The following CDH4 variants were observed in gnomAD, a reference collection of about 807,000 sequenced individuals.
CDH4 encodes cadherin 4, also known as cadherin-4.
Under a neutral mutation model 86.0 loss-of-function variants are expected in CDH4, and 33 were observed. That is an observed-to-expected ratio of 0.38 (90% CI 0.29 to 0.51). CDH4 has a LOEUF of 0.51. CDH4 is among the 20% of genes least tolerant of loss of function. The pLI is 0.86. For synonymous variants in CDH4, 555 were observed against 549.4 expected, an observed-to-expected ratio of 1.01 and a Z score of -0.14; for missense variants, 1,114 against 1,307.4, an observed-to-expected ratio of 0.85 and a Z score of 2.28.
In CDH4 at chr20:61,902,348, C is replaced by CG. The variant is rs1198285148; in HGVS notation, c.1188+7305dup. Among the ~76,000 whole-genome samples, 2 of 152,338 alleles carry CG rather than the reference C, an allele frequency of 1.3e-5. No individual in the cohort carries two copies. Among genetic ancestry groups the CG allele is most frequent in the East Asian group, 3.9e-4 (2 of 5,180 alleles). ...CTGCCCTTCACCAGCCACGGAGACC[C>CG]GGGGTCTATGGGCAGTGCCCTAAAT... On this transcript the variant is annotated intron_variant, in intron 8 of 15. Coordinates refer to ENST00000614565, the MANE Select transcript of CDH4 (RefSeq NM_001794.5). This position sits in a 1 kb window ranked among gnomAD's most constrained non-coding sequence, Gnocchi z 4.6.
At chr20:61,506,300 T>C (rs1442320088) in intron 2 of CDH4, among the ~76,000 whole-genome samples, 1 of 152,250 alleles carries the variant, frequency 6.6e-6, no homozygotes. Context: ...CCAGTTACAG[T>C]AATAGCTCAG....
At chr20:61,465,323 TATG>T (rs1181021991) in intron 2 of CDH4, among the ~76,000 whole-genome samples, 3 of 152,048 alleles carry the variant, frequency 2.0e-5, no homozygotes, top group Non-Finnish European at 4.4e-5. Context: ...TCCAGGGAGG[TATG>T]ATAATGGGGG....
chr20:61,501,701 A>G lies in CDH4; in HGVS notation c.170-241862A>G, dbSNP rs141200572. 2.0e-5 allele frequency among the ~76,000 whole-genome samples: 3 copies of G among 152,110 alleles called. No homozygotes were observed. The East Asian group carries it at 5.8e-4, about 29-fold the overall frequency. ...CTGTGAACTAGAAGAGGGTACTGGA[A>G]TACTAGCTATCTTCACAAGCACCAC... On this transcript the variant is annotated intron_variant, in intron 2 of 15. Coordinates refer to ENST00000614565, the MANE Select transcript of CDH4 (RefSeq NM_001794.5). The surrounding 1 kb of genome is among the most constrained non-coding windows in gnomAD (Gnocchi z 4.2).
chr20:61,777,658 G>T (rs140731512), intron 4 of CDH4, among the ~76,000 whole-genome samples: 1 of 148,954 alleles, frequency 6.7e-6, no homozygotes, highest in South Asian at 2.1e-4. Context: ...GCACACACGT[G>T]CATACAAAGA....
intron 3 of CDH4, among the ~76,000 whole-genome samples, chr20:61,765,752 C>T (rs376096314): frequency 1.6e-4 from 24 of 152,078 alleles, no homozygotes; most frequent in African/African-American, 5.8e-4. Flanking sequence ...ACCTGGGCGG[C>T]CTGGAGGCCA....
At chr20:61,300,746 T>C (rs960595235) in intron 2 of CDH4, among the ~76,000 whole-genome samples, 2 of 152,186 alleles carry the variant, frequency 1.3e-5, no homozygotes, top group East Asian at 3.9e-4. Flanking sequence ...ATGGGTCCCC[T>C]GTCAGGGGCG....
chr20:61,729,007 G>A (rs1278821683), intron 2 of CDH4, among the ~76,000 whole-genome samples: 7 of 152,274 alleles, frequency 4.6e-5, no homozygotes, highest in African/African-American at 1.7e-4. Flanking sequence ...GCGGTGCCCC[G>A]ATGTCCTGGC....
At chr20:61,304,491 G>A (rs2084404466) in intron 2 of CDH4, among the ~76,000 whole-genome samples, 1 of 152,182 alleles carries the variant, frequency 6.6e-6, no homozygotes, top group African/African-American at 2.4e-5. Flanking sequence ...TTGTGTGTGT[G>A]TGAATGTGTG....
chr20:61,855,476 G>T (rs149764722), intron 6 of CDH4, among the ~76,000 whole-genome samples: 162 of 152,296 alleles, frequency 1.1e-3, no homozygotes, highest in African/African-American at 3.8e-3. Flanking sequence ...CCTCGCAAGG[G>T]TGCAGATGTG....
chr20:61,542,076 G>A lies in CDH4; in HGVS notation c.170-201487G>A, dbSNP rs547604909. Among the ~76,000 whole-genome samples, 14 of 152,252 alleles carry A rather than the reference G, an allele frequency of 9.2e-5. No homozygotes were observed. The East Asian group carries it at 1.2e-3, about 13-fold the overall frequency. On this transcript the variant is annotated intron_variant, in intron 2 of 15. Transcript: ENST00000614565. Reference sequence around the variant, plus strand: ...TGAAAATCCAAAAATCAAAGCAGCCGGGAATGCTGAGCCCATACCCAGAGG... The same window carrying A: ...TGAAAATCCAAAAATCAAAGCAGCCAGGAATGCTGAGCCCATACCCAGAGG...
intron 2 of CDH4, among the ~76,000 whole-genome samples, chr20:61,463,809 T>C (rs181084346): frequency 6.6e-6 from 1 of 152,070 alleles, no homozygotes; most frequent in East Asian, 1.9e-4. Flanking sequence ...CAGCACTGGG[T>C]GAGCTGGCAG....
At chr20:61,934,001 G>C in intron 14 of CDH4, 55 bp from the exon 15 acceptor site, 1 of 1,591,696 alleles carries the variant, frequency 6.3e-7, no homozygotes, top group East Asian at 2.2e-5. Context: ...CAGGGTGGAA[G>C]GGGGGCTGGC....
In CDH4 at chr20:61,937,638, C is replaced by G. The variant is rs964790145; in HGVS notation, c.*695C>G. The G allele has an allele frequency of 3.7e-3, 4 of 1,092 alleles. No individual in the cohort carries two copies. The highest frequency in any genetic ancestry group is 0.029 in the Admixed American group (2 of 70). 0.1% of individuals were successfully genotyped at this position (1,092 alleles called of 1,614,324 possible). A position where few individuals can be genotyped will look rare whatever the true frequency, so the allele number is the denominator to read the frequency against. ...AGAATACCCCTACCTTGTGGCTGCT[C>G]CCCACCCCTCCCGGATGCTGTGAGG... On this transcript the variant is annotated 3_prime_UTR_variant, in exon 16 of 16. Coordinates refer to ENST00000614565, the MANE Select transcript of CDH4 (RefSeq NM_001794.5).
intron 2 of CDH4, among the ~76,000 whole-genome samples, chr20:61,309,565 C>CA (rs531908826): frequency 6.8e-4 from 103 of 151,718 alleles, no homozygotes; most frequent in African/African-American, 2.4e-3. Context: ...GGAAGCAAGG[C>CA]AAAAAAAGGA....
chr20:61,608,143 A>T (rs1289018737), intron 2 of CDH4, among the ~76,000 whole-genome samples: 6 of 152,124 alleles, frequency 3.9e-5, no homozygotes, highest in Admixed American at 3.3e-4. Context: ...GCTGCAGGAC[A>T]AGGTAAAGCC....
chr20:61,642,613 A>C (rs1039165055), intron 2 of CDH4, among the ~76,000 whole-genome samples: 1 of 152,264 alleles, frequency 6.6e-6, no homozygotes, highest in Non-Finnish European at 1.5e-5. Flanking sequence ...CAATGAAGGC[A>C]GAAATAAAAG....
At chr20:61,782,228 G>A (rs577828608) in intron 4 of CDH4, among the ~76,000 whole-genome samples, 8 of 152,270 alleles carry the variant, frequency 5.3e-5, no homozygotes, top group South Asian at 4.2e-4. Flanking sequence ...ACAATCGCTC[G>A]AACCTGGGAG....
chr20:61,932,927 G>A (rs193114635), intron 13 of CDH4, 58 bp from the exon 14 acceptor site: 37 of 1,585,550 alleles, frequency 2.3e-5, no homozygotes, highest in Admixed American at 5.1e-5. Flanking sequence ...GGCAAACACA[G>A]AGGCACACAT....
intron 2 of CDH4, among the ~76,000 whole-genome samples, chr20:61,270,833 G>C (rs1488323401): frequency 2.0e-5 from 3 of 152,124 alleles, no homozygotes; most frequent in African/African-American, 7.2e-5. Context: ...TTGCGGGGAG[G>C]TCGAGGCAGC....
Sources: allele counts gnomAD v4.1 joint callset (sites outside exome capture counted in the v4.1 genomes callset), GRCh38; gene constraint gnomAD v4.1.1; non-coding constraint Gnocchi (gnomAD v3.1); transcripts MANE v1.5; gene names NCBI Gene and HGNC (gene_info 2026-07-23, HGNC 2026-07-21).